SULF2: variants seen among roughly 807,000 people sequenced by gnomAD.
The protein encoded by SULF2 is sulfatase 2.
SULF2 carries 52 observed loss-of-function variants against 107.7 expected under a neutral mutation model. That is an observed-to-expected ratio of 0.48 (90% CI 0.39 to 0.61). SULF2 has a LOEUF of 0.61. Ranked by LOEUF, SULF2 falls within the 20% of genes least tolerant of loss-of-function variation. The pLI, the probability that SULF2 is intolerant of heterozygous loss-of-function variation, is 0.00. For synonymous variants in SULF2, 460 were observed against 464.3 expected (o/e 0.99, Z 0.12); for missense variants, 993 against 1,177.3 (o/e 0.84, Z 2.29).
At position 47,658,285 on chromosome 20, in the gene SULF2, A is replaced by G. The variant is rs892063520; in HGVS notation, c.*77T>C. On this transcript the variant is annotated 3_prime_UTR_variant, in exon 21 of 21. Coordinates refer to ENST00000688720, the MANE Select transcript of SULF2 (RefSeq NM_001387048.1). Reference sequence around the variant, plus strand: ...GGCCAATACCACAGGTCTGCTGGAAATCACCCACATGGTTTTTCATTGCCT... The same window carrying G: ...GGCCAATACCACAGGTCTGCTGGAAGTCACCCACATGGTTTTTCATTGCCT... The G allele has an allele frequency of 9.6e-5, 146 of 1,513,386 alleles. 1 individual carries two copies. The Middle Eastern group carries it at 1.0e-3, about 11-fold the overall frequency. The allele number at this position is 1,513,386 out of a possible 1,614,324, so 93.7% of individuals were successfully genotyped here. A position where few individuals can be genotyped will look rare whatever the true frequency, so the allele number is the denominator to read the frequency against.
Position 47,669,166 on chromosome 20 carries a change from G to A in SULF2, c.1577-2678C>T, listed in dbSNP as rs145877846. ...TCTCCAGGTCAACTCTAATCTCAGTGTCTTGCACAAAGTTCAAGAAATGAA... is the reference window on the plus strand; with the variant it reads ...TCTCCAGGTCAACTCTAATCTCAGTATCTTGCACAAAGTTCAAGAAATGAA... On this transcript the variant is annotated intron_variant, in intron 11 of 20. Transcript: ENST00000688720. 4.5e-3 allele frequency among the ~76,000 whole-genome samples: 690 copies of A among 152,262 alleles called. 2 individuals are homozygous for A. The highest frequency in any genetic ancestry group is 7.5e-3 in the Non-Finnish European group (511 of 68,028).
chr20:47,740,848 C>T (rs940175109), intron 2 of SULF2, among the ~76,000 whole-genome samples: 35 of 152,140 alleles, frequency 2.3e-4, no homozygotes, highest in Admixed American at 1.6e-3. Context: ...TCGATTAGAC[C>T]TCAGGTGCCA....
At chr20:47,768,145 C>A (rs910702090) in intron 1 of SULF2, among the ~76,000 whole-genome samples, 58 of 152,164 alleles carry the variant, frequency 3.8e-4, no homozygotes, top group African/African-American at 1.4e-3. Flanking sequence ...CCATGTGGTT[C>A]CAATGTGAGG....
At chr20:47,712,603 A>G (rs1224556681) in intron 3 of SULF2, among the ~76,000 whole-genome samples, 1 of 152,226 alleles carries the variant, frequency 6.6e-6, no homozygotes, top group African/African-American at 2.4e-5. Flanking sequence ...CACGGTGAGC[A>G]GTGGCCGACA....
At position 47,694,224 on chromosome 20, in the gene SULF2, G is replaced by A. The variant is rs2088298270; in HGVS notation, c.568-3929C>T. On this transcript the variant is annotated intron_variant, in intron 4 of 20. Coordinates refer to ENST00000688720, the MANE Select transcript of SULF2 (RefSeq NM_001387048.1). The surrounding 1 kb of genome is among the most constrained non-coding windows in gnomAD (Gnocchi z 4.4). Reference sequence around the variant, plus strand: ...TCTGAGGGAGAGAACAGGAGGCCTGGGCCAGGGTGGCGGGGGCAGCATCCA... The same window carrying A: ...TCTGAGGGAGAGAACAGGAGGCCTGAGCCAGGGTGGCGGGGGCAGCATCCA... Among the ~76,000 whole-genome samples, 1 of 152,202 alleles carries A rather than the reference G, an allele frequency of 6.6e-6. No individual in the cohort carries two copies. Among genetic ancestry groups the A allele is most frequent in the Admixed American group, 6.5e-5 (1 of 15,288 alleles).
At chr20:47,767,029 A>ATACT (rs1005214431) in intron 1 of SULF2, among the ~76,000 whole-genome samples, 11 of 152,040 alleles carry the variant, frequency 7.2e-5, no homozygotes, top group African/African-American at 2.7e-4. Context: ...AAACAGCCTG[A>ATACT]TACTTACTTG....
chr20:47,684,728 A>G (rs1241194814), intron 5 of SULF2, 147 bp from the exon 6 acceptor site: 2 of 715,360 alleles, frequency 2.8e-6, no homozygotes, highest in African/African-American at 3.7e-5. Flanking sequence ...GAAAGGGGAC[A>G]TTGGCATGTC....
intron 2 of SULF2, among the ~76,000 whole-genome samples, chr20:47,745,398 A>AT (rs2089993242): frequency 6.8e-5 from 2 of 29,400 alleles, no homozygotes; most frequent in East Asian, 1.7e-3. Context: ...AAAAAAAAAA[A>AT]AAAAAAAAAA....
At chr20:47,728,354 C>T (rs570982760) in intron 3 of SULF2, among the ~76,000 whole-genome samples, 39 of 152,150 alleles carry the variant, frequency 2.6e-4, no homozygotes, top group Non-Finnish European at 4.4e-4. Context: ...CCAGGGACGG[C>T]ATCCCGGGAA....
intron 2 of SULF2, among the ~76,000 whole-genome samples, chr20:47,743,274 G>A (rs1271384574): frequency 6.6e-6 from 1 of 152,146 alleles, no homozygotes; most frequent in Non-Finnish European, 1.5e-5. Context: ...GACTATTGCA[G>A]TAGGCTCCCA....
At chr20:47,752,618 G>A (rs1244133931) in intron 2 of SULF2, among the ~76,000 whole-genome samples, 1 of 151,628 alleles carries the variant, frequency 6.6e-6, no homozygotes, top group Non-Finnish European at 1.5e-5. Flanking sequence ...GAGTGTGATG[G>A]TGCGCACCTG....
intron 3 of SULF2, among the ~76,000 whole-genome samples, chr20:47,717,083 G>A (rs1051740862): frequency 6.6e-6 from 1 of 152,170 alleles, no homozygotes; most frequent in Non-Finnish European, 1.5e-5. Context: ...AACTAGATAT[G>A]CTATGTACCT....
intron 2 of SULF2, among the ~76,000 whole-genome samples, chr20:47,741,398 A>G (rs1404703113): frequency 6.7e-6 from 1 of 149,502 alleles, no homozygotes; most frequent in Non-Finnish European, 1.5e-5. Flanking sequence ...CGGTGCCCTC[A>G]CCCCCTTCTT....
chr20:47,750,868 C>T (rs1046430262), intron 2 of SULF2, among the ~76,000 whole-genome samples: 1 of 152,192 alleles, frequency 6.6e-6, no homozygotes, highest in Admixed American at 6.5e-5. Context: ...CTGGAGTGCT[C>T]TTCCCCAGGG....
At chr20:47,732,409 C>T (rs1301389713) in intron 3 of SULF2, among the ~76,000 whole-genome samples, 1 of 152,216 alleles carries the variant, frequency 6.6e-6, no homozygotes, top group African/African-American at 2.4e-5. Flanking sequence ...CCCTCAACCA[C>T]TCTGCAGAGA....
At chr20:47,758,855 G>A (rs951586184) in intron 1 of SULF2, among the ~76,000 whole-genome samples, 1 of 152,210 alleles carries the variant, frequency 6.6e-6, no homozygotes, top group South Asian at 2.1e-4. Flanking sequence ...GACCTTGAAA[G>A]GGTCTGTTTG....
chr20:47,754,311 A>T (rs1276187618), intron 2 of SULF2, among the ~76,000 whole-genome samples: 1 of 152,256 alleles, frequency 6.6e-6, no homozygotes, highest in Non-Finnish European at 1.5e-5. Flanking sequence ...TGCTGCACGG[A>T]TGGGCAGAAA....
chr20:47,657,561 T>C lies in SULF2; in HGVS notation c.*801A>G, dbSNP rs898763231. ...AACTTGGGACATACATCAACTTCAT[T>C]TCTTTTCAGTACCTTAAAAAAAAAA... On this transcript the variant is annotated 3_prime_UTR_variant, in exon 21 of 21. Coordinates refer to ENST00000688720, the MANE Select transcript of SULF2 (RefSeq NM_001387048.1). 3.3e-5 allele frequency: 5 copies of C among 152,198 alleles called. No individual in the cohort carries two copies. The highest frequency in any genetic ancestry group is 7.3e-5 in the Non-Finnish European group (5 of 68,038). 9.4% of individuals were successfully genotyped at this position (152,198 alleles called of 1,614,324 possible).
chr20:47,771,287 A>AG (rs73624049), intron 1 of SULF2, among the ~76,000 whole-genome samples: 1 of 152,226 alleles, frequency 6.6e-6, no homozygotes, highest in East Asian at 1.9e-4. Flanking sequence ...TGTCAGGTCC[A>AG]GGGGGTTCTG....
Sources: gnomAD v4.1 joint callset for allele counts (sites outside exome capture counted in the v4.1 genomes callset) on GRCh38, gnomAD v4.1.1 for gene constraint, Gnocchi (gnomAD v3.1) non-coding constraint, MANE v1.5 for transcripts, NCBI Gene and HGNC (gene_info 2026-07-23, HGNC 2026-07-21) for gene names.